The following PSD3 variants were observed in gnomAD, a reference collection of about 807,000 sequenced individuals.
PSD3 encodes the protein pleckstrin and Sec7 domain containing 3, also known as PH and SEC7 domain-containing protein 3.
In PSD3, 49 loss-of-function variants were observed where a neutral mutation model predicts 105.5. That is an observed-to-expected ratio of 0.46 (90% CI 0.37 to 0.59). The LOEUF is 0.59. PSD3 is among the 20% of genes least tolerant of loss of function. PSD3 has a pLI of 0.00. For synonymous variants in PSD3, 557 were observed against 457.8 expected, an observed-to-expected ratio of 1.22 and a Z score of -2.77; for missense variants, 1,561 against 1,263.8, an observed-to-expected ratio of 1.24 and a Z score of -3.57.
At chr8:19,011,460 G>A (rs1826945420) in intron 1 of PSD3, among the ~76,000 whole-genome samples, 1 of 152,052 alleles carries the variant, frequency 6.6e-6, no homozygotes, top group African/African-American at 2.4e-5. Context: ...AAATATCAAG[G>A]TTTTAGAAAG....
chr8:18,683,632 C>T (rs892066126), intron 9 of PSD3: 31 of 590,092 alleles, frequency 5.3e-5, no homozygotes, highest in Non-Finnish European at 8.0e-5. Context: ...TTCACCTGAT[C>T]GCACCTGATT....
chr8:18,974,523 G>A (rs1174894743), intron 1 of PSD3, among the ~76,000 whole-genome samples: 2 of 152,162 alleles, frequency 1.3e-5, no homozygotes, highest in Non-Finnish European at 2.9e-5. Flanking sequence ...CAAATCCTGT[G>A]CCATTCGGCA....
intron 9 of PSD3, among the ~76,000 whole-genome samples, chr8:18,725,567 G>A (rs952498941): frequency 1.1e-4 from 16 of 152,088 alleles, no homozygotes; most frequent in African/African-American, 3.6e-4. Flanking sequence ...CCCCTCTTTT[G>A]AGAGACGGGG....
chr8:18,782,641 T>A (rs1808751765), intron 8 of PSD3, among the ~76,000 whole-genome samples: 1 of 152,206 alleles, frequency 6.6e-6, no homozygotes, highest in Non-Finnish European at 1.5e-5. Context: ...GAATCCTTGG[T>A]CTTCAAGTGG....
At chr8:19,059,593 C>T (rs1700347754) in intron 1 of PSD3, among the ~76,000 whole-genome samples, 1 of 152,098 alleles carries the variant, frequency 6.6e-6, no homozygotes, top group Non-Finnish European at 1.5e-5. Flanking sequence ...TACCCCTGTG[C>T]CTAGACAGGG....
chr8:19,084,736 C>G (rs2129478485), upstream of PSD3: 1 of 298,496 alleles, frequency 3.4e-6, no homozygotes, highest in South Asian at 3.1e-5. Flanking sequence ...TCAGGGCCTG[C>G]CTTCTGCAGC....
intron 1 of PSD3, among the ~76,000 whole-genome samples, chr8:19,060,168 G>T (rs1004527255): frequency 6.6e-6 from 1 of 152,180 alleles, no homozygotes; most frequent in Non-Finnish European, 1.5e-5. Flanking sequence ...TGAAGGAAAT[G>T]AATACATTTT....
At chr8:19,050,416 A>C (rs900055647) in intron 1 of PSD3, among the ~76,000 whole-genome samples, 1 of 152,192 alleles carries the variant, frequency 6.6e-6, no homozygotes, top group Non-Finnish European at 1.5e-5. Context: ...ATTCACAATA[A>C]CAAAGACTTG....
intron 11 of PSD3, among the ~76,000 whole-genome samples, chr8:18,623,615 G>C (rs1237881091): frequency 6.7e-6 from 1 of 148,150 alleles, no homozygotes; most frequent in Non-Finnish European, 1.5e-5. Flanking sequence ...CTGTACTCCA[G>C]CCTGGGTTAC....
chr8:19,067,379 A>G (rs999956831), intron 1 of PSD3, among the ~76,000 whole-genome samples: 19 of 152,188 alleles, frequency 1.2e-4, no homozygotes, highest in African/African-American at 2.9e-4. Context: ...CATTTGAGGG[A>G]TAAGAAAATG....
At chr8:18,570,843 C>CTATGATTAT (rs149261930) in intron 14 of PSD3, among the ~76,000 whole-genome samples, 1 of 117,418 alleles carries the variant, frequency 8.5e-6, no homozygotes, top group Admixed American at 8.6e-5. Flanking sequence ...CTGCTTAAAA[C>CTATGATTAT]TATTATTATT....
chr8:19,047,795 G>A lies in PSD3; in HGVS notation c.324+36411C>T, dbSNP rs1828377860. On this transcript the variant is annotated intron_variant, in intron 1 of 1. Coordinates refer to the PSD3 transcript ENST00000521475. ...TGCATTAGAACAAGGACGACAAGGT[G>A]TCTGTCCTCCAGGCAGAAGCTAGCA... 2.0e-5 allele frequency among the ~76,000 whole-genome samples: 3 copies of A among 152,218 alleles called. No homozygotes were observed. The South Asian group carries it at 6.2e-4, about 32-fold the overall frequency.
chr8:18,838,947 A>T (rs1039999389), intron 4 of PSD3, among the ~76,000 whole-genome samples: 1 of 151,876 alleles, frequency 6.6e-6, no homozygotes, highest in Non-Finnish European at 1.5e-5. Context: ...CAATCATCTT[A>T]ATTGGTCTCT....
chr8:18,856,057 C>T (rs1300493345), intron 4 of PSD3, among the ~76,000 whole-genome samples: 1 of 152,148 alleles, frequency 6.6e-6, no homozygotes, highest in African/African-American at 2.4e-5. Flanking sequence ...TCCCCAAATC[C>T]AAGCAGCTGC....
chr8:18,744,793 G>T (rs1804872639), intron 9 of PSD3, among the ~76,000 whole-genome samples: 7 of 152,086 alleles, frequency 4.6e-5, no homozygotes, highest in Admixed American at 4.6e-4. Context: ...CCCCATTACT[G>T]CCCTTGTCCT....
intron 4 of PSD3, among the ~76,000 whole-genome samples, chr8:18,845,870 G>A (rs905939170): frequency 2.0e-5 from 3 of 152,198 alleles, no homozygotes; most frequent in African/African-American, 7.2e-5. Context: ...CTGTTTGGAA[G>A]AAAATAAACA....
chr8:19,082,711 A>T (rs1829681229), intron 1 of PSD3, among the ~76,000 whole-genome samples: 1 of 152,146 alleles, frequency 6.6e-6, no homozygotes, highest in African/African-American at 2.4e-5. Flanking sequence ...GTGGGAAAAG[A>T]TGGGGTTTTC....
chr8:18,803,579 T>C (rs1253445986), intron 6 of PSD3, among the ~76,000 whole-genome samples: 1 of 152,136 alleles, frequency 6.6e-6, no homozygotes, highest in Non-Finnish European at 1.5e-5. Flanking sequence ...GGTATATATA[T>C]TCCCCATAAT....
chr8:18,547,992 T>C (rs1800547202), intron 15 of PSD3, among the ~76,000 whole-genome samples: 2 of 152,176 alleles, frequency 1.3e-5, no homozygotes, highest in Admixed American at 1.3e-4. Context: ...TCCCTTCCTT[T>C]TCATTCTTTT....
Sources: allele counts gnomAD v4.1 joint callset (sites outside exome capture counted in the v4.1 genomes callset), GRCh38; gene constraint gnomAD v4.1.1; transcripts MANE v1.5; gene names NCBI Gene and HGNC (gene_info 2026-07-23, HGNC 2026-07-21).